SREBF2: variants seen among roughly 807,000 people sequenced by gnomAD.
The protein encoded by SREBF2 is sterol regulatory element-binding protein 2.
Under a neutral mutation model 113.1 loss-of-function variants are expected in SREBF2, and 55 were observed. That is an observed-to-expected ratio of 0.49 (90% CI 0.39 to 0.61). The LOEUF is 0.61. SREBF2 is among the 20% of genes least tolerant of loss of function. The pLI is 0.00. For missense variants in SREBF2, 1,349 were observed against 1,487.4 expected (o/e 0.91, Z 1.53); for synonymous variants, 593 against 605.7 (o/e 0.98, Z 0.31).
Position 41,867,133 on chromosome 22 carries a change from C to T in SREBF2, c.391C>T (p.Leu131Phe), listed in dbSNP as rs775527463. Residue 131 changes from leucine (L) to phenylalanine (F), a missense_variant, in exon 2 of 19, where the codon CTT (leucine) becomes TTT (phenylalanine). This residue lies in a region of SREBF2 where 699 missense variants were observed against 843.3 expected (regional missense o/e 0.83). Coordinates refer to ENST00000361204, the MANE Select transcript of SREBF2 (RefSeq NM_004599.4). The stretch of plus-strand genomic sequence containing the variant: ...CACCACACCCAGGGCAACTCCTATT[C>T]TTCAGCCCCGCCCCCAGCCCCAGCC... ...VPTTPRATPI[L>F]QPRPQPQPQP... 2.5e-6 allele frequency: 4 copies of T among 1,614,216 alleles called. No homozygotes were observed. The highest frequency in any genetic ancestry group is 2.5e-6 in the Non-Finnish European group (3 of 1,180,044).
At chr22:41,896,100 C>A (rs1261678382) in intron 13 of SREBF2, among the ~76,000 whole-genome samples, 2 of 150,876 alleles carry the variant, frequency 1.3e-5, no homozygotes, top group Admixed American at 1.3e-4. Flanking sequence ...AAGATTGCGC[C>A]ACTGCACTCC....
intron 16 of SREBF2, among the ~76,000 whole-genome samples, chr22:41,901,969 C>CTG (rs2077469098): frequency 6.6e-6 from 1 of 152,232 alleles, no homozygotes; most frequent in Admixed American, 6.5e-5. Flanking sequence ...ACAGGTGCTT[C>CTG]TGCAGCATGC....
At chr22:41,862,012 C>A (rs2077031663) in intron 1 of SREBF2, among the ~76,000 whole-genome samples, 1 of 151,360 alleles carries the variant, frequency 6.6e-6, no homozygotes, top group African/African-American at 2.5e-5. Flanking sequence ...ACTAGGTTTC[C>A]CAGCCCCTAA....
rs1390107083 is a variant in SREBF2 at position 41,900,394 on chromosome 22, G to C, written c.2803G>C (p.Ala935Pro). The stretch of plus-strand genomic sequence containing the variant: ...CATGCATGCCTCACTCCCTGGGAAA[G>C]CAGATGGGCAGCAGAGTTCCTTCTG... ...RAMHASLPGK[A>P]DGQQSSFCHC... The change falls in exon 16 of 19, where the codon GCA becomes CCA. Residue 935 changes from alanine to proline, a missense_variant. Physicochemically the swap from Ala to Pro is conservative, Grantham distance 27 (BLOSUM62 -1). Around this residue, in one of 2 missense-constraint regions of SREBF2, gnomAD observed 650 missense variants for 644.1 expected, o/e 1.01. Transcript: ENST00000361204. The C allele has an allele frequency of 6.2e-7, 1 of 1,613,808 alleles. No individual in the cohort carries two copies. Among genetic ancestry groups the C allele is most frequent in the African/African-American group, 1.3e-5 (1 of 74,930 alleles).
chr22:41,900,558 TC>T (rs1377845733), intron 16 of SREBF2, 60 bp downstream of exon 16: 2 of 1,546,516 alleles, frequency 1.3e-6, no homozygotes, highest in African/African-American at 2.7e-5. Flanking sequence ...ACGAGAACAC[TC>T]CCACTCACCT....
At chr22:41,852,882 A>C (rs1045299696) in intron 1 of SREBF2, among the ~76,000 whole-genome samples, 2 of 151,690 alleles carry the variant, frequency 1.3e-5, no homozygotes, top group African/African-American at 2.4e-5. Context: ...CAGCCTCCCA[A>C]GTAGCTGCAG....
intron 1 of SREBF2, among the ~76,000 whole-genome samples, chr22:41,850,756 G>GT (rs869087415): frequency 1.5e-3 from 100 of 66,660 alleles, no homozygotes; most frequent in Admixed American, 2.2e-3. Flanking sequence ...CTTTCTTTTT[G>GT]TTTTTTTTGA....
chr22:41,891,775 C>T (rs1473160655), intron 11 of SREBF2, among the ~76,000 whole-genome samples: 1 of 152,218 alleles, frequency 6.6e-6, no homozygotes, highest in African/African-American at 2.4e-5. Context: ...TTATGCTTCT[C>T]CCTCCCTCCT....
chr22:41,884,250 C>T (rs1348318450), intron 10 of SREBF2, among the ~76,000 whole-genome samples: 2 of 152,210 alleles, frequency 1.3e-5, no homozygotes, highest in Non-Finnish European at 2.9e-5. Context: ...ATTCTTCTGC[C>T]TCAGCCTTCC....
rs1446866608 is a variant in SREBF2, at chr22:41,870,933, G to C, written c.765G>C (p.Leu255Phe). 1 of 1,613,972 alleles carries C rather than the reference G, an allele frequency of 6.2e-7. No individual in the cohort carries two copies. The highest frequency in any genetic ancestry group is 1.7e-5 in the Admixed American group (1 of 60,002). Residue 255 changes from leucine to phenylalanine, a missense_variant, in exon 4 of 19, where the codon TTG (leucine) becomes TTC (phenylalanine). Leu to Phe is a conservative substitution (Grantham distance 22). Transcript: ENST00000361204. ...TCATCAAGACAGATTCCCTTGTTTTGACCACACTGAAGACAGATGGCAGCC... is the reference window on the plus strand; with the variant it reads ...TCATCAAGACAGATTCCCTTGTTTTCACCACACTGAAGACAGATGGCAGCC... ...PQIIKTDSLV[L>F]TTLKTDGSPV...
intron 17 of SREBF2, chr22:41,904,611 T>A: frequency 3.0e-6 from 2 of 668,778 alleles, no homozygotes; most frequent in Non-Finnish European, 5.7e-6. Context: ...GGCTTTCTTG[T>A]CACCAGTTGG....
intron 1 of SREBF2, among the ~76,000 whole-genome samples, chr22:41,836,035 T>C (rs894595632): frequency 6.6e-6 from 1 of 152,210 alleles, no homozygotes; most frequent in African/African-American, 2.4e-5. Context: ...ACCACAGTGG[T>C]TCAGTGGCTT....
chr22:41,833,333 C>T lies in SREBF2; in HGVS notation c.63C>T (p.Asp21=). 1 of 1,267,352 alleles carries T rather than the reference C, an allele frequency of 7.9e-7. No homozygotes were observed. Among genetic ancestry groups the T allele is most frequent in the Non-Finnish European group, 1.0e-6 (1 of 971,634 alleles). The allele number at this position is 1,267,352 out of a possible 1,614,324, so 78.5% of individuals were successfully genotyped here. Reference sequence around the variant, plus strand: ...TGGAGACCCTCACGGAGCTGGGCGACGAGCTGACCCTGGGAGACATCGACG... The same window carrying T: ...TGGAGACCCTCACGGAGCTGGGCGATGAGCTGACCCTGGGAGACATCGACG... ...ETMETLTELG[D]ELTLGDIDEM... is the part of the protein sequence containing the mutation. Residue 21 remains aspartate, a synonymous_variant, in exon 1 of 19, where the codon GAC becomes GAT. Transcript: ENST00000361204. This position sits in a 1 kb window ranked among gnomAD's most constrained non-coding sequence, Gnocchi z 4.1.
chr22:41,875,951 G>A lies in SREBF2; in HGVS notation c.1386+227G>A, dbSNP rs73885845. Among the ~76,000 whole-genome samples the A allele has an allele frequency of 7.2e-3, 1,094 of 152,316 alleles. 17 individuals are homozygous for A. Among genetic ancestry groups the A allele is most frequent in the African/African-American group, 0.025 (1,044 of 41,570 alleles). ...TAACTGGTCCTTGCCGATAGGCCCC[G>A]TCAGAGAGGAATGAGTGCCAGATCC... On this transcript the variant is annotated intron_variant, in intron 7 of 18. Transcript: ENST00000361204.
intron 12 of SREBF2, among the ~76,000 whole-genome samples, chr22:41,893,777 G>C (rs541480401): frequency 6.6e-6 from 1 of 152,294 alleles, no homozygotes; most frequent in East Asian, 1.9e-4. Flanking sequence ...ATTGGAAGGA[G>C]GTGCTGGCTT....
At chr22:41,838,472 C>T (rs1209766860) in intron 1 of SREBF2, among the ~76,000 whole-genome samples, 1 of 152,030 alleles carries the variant, frequency 6.6e-6, no homozygotes, top group African/African-American at 2.4e-5. Flanking sequence ...GTGGCTCATG[C>T]CTGTAATCCT....
Position 41,894,789 on chromosome 22 carries a change from AT to A in SREBF2, c.2378-28del, listed in dbSNP as rs757619395. 20 of 1,597,594 alleles carry A rather than the reference AT, an allele frequency of 1.3e-5. No homozygotes were observed. In the South Asian group the frequency reaches 2.0e-4, roughly 16 times the overall value. On this transcript the variant is annotated intron_variant, in intron 12 of 18. Coordinates refer to ENST00000361204, the MANE Select transcript of SREBF2 (RefSeq NM_004599.4). ...CAAAGTGGGCTCATAAATGAGCTCC[AT>A]TTAACCCCCCTTGCCTGTCTCTTTT...
Position 41,844,672 on chromosome 22 carries a change from G to C in SREBF2, c.88+11314G>C, listed in dbSNP as rs73885841. On this transcript the variant is annotated intron_variant, in intron 1 of 18. Coordinates refer to ENST00000361204, the MANE Select transcript of SREBF2 (RefSeq NM_004599.4). ...GTCCCTTACAAGCTTGCTCCTCCAC[G>C]TGGCCCTGTGGAACAGGTCTGTTGG... is the stretch of plus-strand genomic sequence containing the variant. Among the ~76,000 whole-genome samples, 1,095 of 152,254 alleles carry C rather than the reference G, an allele frequency of 7.2e-3. 17 individuals are homozygous for C. The highest frequency in any genetic ancestry group is 0.025 in the African/African-American group (1,048 of 41,534).
At chr22:41,871,210 C>G (rs2077137669) in intron 4 of SREBF2, among the ~76,000 whole-genome samples, 175 bp downstream of exon 4, 1 of 152,152 alleles carries the variant, frequency 6.6e-6, no homozygotes, top group Non-Finnish European at 1.5e-5. Flanking sequence ...AAAGTATTAG[C>G]AATGTGTGTT....
Sources: gnomAD v4.1 joint callset for allele counts (sites outside exome capture counted in the v4.1 genomes callset) on GRCh38, gnomAD v4.1.1 for gene constraint, gnomAD v4.1.1 regional missense constraint, Gnocchi (gnomAD v3.1) non-coding constraint, MANE v1.5 for transcripts, NCBI Gene and HGNC (gene_info 2026-07-23, HGNC 2026-07-21) for gene names.